The following SEC14L6 variants were observed in gnomAD, a reference collection of about 807,000 sequenced individuals.
The protein encoded by SEC14L6 is SEC14 like lipid binding 6.
In SEC14L6, 40 loss-of-function variants were observed where a neutral mutation model predicts 54.1. The ratio of observed to expected loss-of-function variants is 0.74; its 90% confidence interval spans 0.57 to 0.96. The LOEUF (loss-of-function observed/expected upper bound fraction) is 0.96, where lower values mean the gene tolerates loss of function less well. SEC14L6 is among the 40% of genes least tolerant of loss of function. The pLI, the probability that SEC14L6 is intolerant of heterozygous loss-of-function variation, is 0.00. For missense variants in SEC14L6, 471 were observed against 498.3 expected, an observed-to-expected ratio of 0.95 and a Z score of 0.52; for synonymous variants, 171 against 198.4, an observed-to-expected ratio of 0.86 and a Z score of 1.16.
Position 30,532,708 on chromosome 22 carries a change from G to C in SEC14L6, c.240C>G (p.Val80=). The C allele has an allele frequency of 6.4e-7, 1 of 1,569,422 alleles. No individual in the cohort carries two copies. The highest frequency in any genetic ancestry group is 8.6e-7 in the Non-Finnish European group (1 of 1,157,002). ...NILAWQPPEV[V]RLYNANGICG... is the part of the protein sequence containing the mutation. ...ATATGCCGTTAGCGTTGTACAGCCT[G>C]ACCACCTGGATGCATACACAGGAGA... The change falls in exon 5 of 12, where the codon GTC becomes GTG. Residue 80 remains valine, a synonymous_variant. Transcript: ENST00000402034.
At chr22:30,530,542 C>A (rs913932027) in intron 6 of SEC14L6, among the ~76,000 whole-genome samples, 2 of 152,132 alleles carry the variant, frequency 1.3e-5, no homozygotes, top group Non-Finnish European at 2.9e-5. Flanking sequence ...CTGAGACCAC[C>A]CCCACACACC....
chr22:30,546,496 A>G, intron 1 of SEC14L6, 133 bp downstream of exon 1: 1 of 720,546 alleles, frequency 1.4e-6, no homozygotes, highest in South Asian at 1.9e-5. Context: ...GCCTCTGGCT[A>G]CCAAGCCCCT....
intron 1 of SEC14L6, chr22:30,543,722 C>T: frequency 1.3e-6 from 2 of 1,600,002 alleles, no homozygotes; most frequent in Non-Finnish European, 1.7e-6. Flanking sequence ...TTGCTGGTGG[C>T]CCTACTGATG....
intron 1 of SEC14L6, among the ~76,000 whole-genome samples, chr22:30,544,881 A>G (rs1192434605): frequency 1.3e-5 from 2 of 152,170 alleles, no homozygotes. Context: ...AGGTGTTAGA[A>G]AACTTGATCT....
chr22:30,541,762 G>A (rs1478512743), intron 1 of SEC14L6, among the ~76,000 whole-genome samples: 2 of 152,200 alleles, frequency 1.3e-5, no homozygotes, highest in African/African-American at 2.4e-5. Flanking sequence ...GAGCCCAGGA[G>A]TTTGAGGCTG....
chr22:30,538,878 G>C lies in SEC14L6; in HGVS notation c.79C>G (p.Leu27Val). The C allele has an allele frequency of 6.4e-7, 1 of 1,555,722 alleles. No individual in the cohort carries two copies. Among genetic ancestry groups the C allele is most frequent in the East Asian group, 2.4e-5 (1 of 41,422 alleles). Reference protein sequence around the residue: ...AQFRENIQDVLSALPNPDDYF... With the variant: ...AQFRENIQDVVSALPNPDDYF... The stretch of plus-strand genomic sequence containing the variant: ...TCATCAGGATTGGGCAGCGCAGATA[G>C]CACATCTTGGATGTTCTCCCGGAAC... The change falls in exon 2 of 12, where the codon CTA becomes GTA. Residue 27 changes from leucine (L) to valine (V), a missense_variant. Leu to Val is a conservative substitution (Grantham distance 32, BLOSUM62 1). Coordinates refer to ENST00000402034, the MANE Select transcript of SEC14L6 (RefSeq NM_001193336.4).
chr22:30,532,765 G>A, intron 4 of SEC14L6, 32 bp downstream of exon 4: 1 of 1,607,298 alleles, frequency 6.2e-7, no homozygotes. Flanking sequence ...TGAGGGCCCA[G>A]GGATCAGGGT....
At chr22:30,539,234 G>T (rs1367212819) in intron 1 of SEC14L6, among the ~76,000 whole-genome samples, 2 of 151,974 alleles carry the variant, frequency 1.3e-5, no homozygotes, top group Non-Finnish European at 2.9e-5. Flanking sequence ...AAAATTAGCC[G>T]GGCGTGGTGG....
At chr22:30,540,413 G>T in intron 1 of SEC14L6, among the ~76,000 whole-genome samples, 1 of 125,088 alleles carries the variant, frequency 8.0e-6, no homozygotes, top group Admixed American at 9.7e-5. Flanking sequence ...TTGAACTCAT[G>T]GGCATTAAGA....
At position 30,524,948 on chromosome 22, in the gene SEC14L6, T is replaced by C. The variant is rs1237733530; in HGVS notation, c.*49A>G. Reference sequence around the variant, plus strand: ...CTGGCCAGGGAAGGCTGTGAACTCATTGTGGATTCAGAGATCAAAGAGGAG... The same window carrying C: ...CTGGCCAGGGAAGGCTGTGAACTCACTGTGGATTCAGAGATCAAAGAGGAG... On this transcript the variant is annotated 3_prime_UTR_variant, in exon 12 of 12. Coordinates refer to ENST00000402034, the MANE Select transcript of SEC14L6 (RefSeq NM_001193336.4). The C allele has an allele frequency of 3.1e-6, 3 of 954,072 alleles. No individual in the cohort carries two copies. The highest frequency in any genetic ancestry group is 1.4e-5 in the South Asian group (1 of 71,970). The allele number at this position is 954,072 out of a possible 1,614,324, so 59.1% of individuals were successfully genotyped here.
chr22:30,531,191 T>C (rs1036419946), intron 6 of SEC14L6, among the ~76,000 whole-genome samples: 1 of 152,088 alleles, frequency 6.6e-6, no homozygotes, highest in Non-Finnish European at 1.5e-5. Context: ...GCAGATCACC[T>C]GAGGTCAGGA....
At chr22:30,537,238 C>T (rs1171054847) in intron 2 of SEC14L6, among the ~76,000 whole-genome samples, 2 of 152,046 alleles carry the variant, frequency 1.3e-5, no homozygotes, top group Non-Finnish European at 2.9e-5. Flanking sequence ...CACTAGGTCC[C>T]AACAGACAAG....
Position 30,524,303 on chromosome 22 carries a change from T to C in SEC14L6, c.*694A>G, listed in dbSNP as rs1936695785. 6.6e-6 allele frequency: 1 copy of C among 152,248 alleles called. No individual in the cohort carries two copies. The highest frequency in any genetic ancestry group is 1.5e-5 in the Non-Finnish European group (1 of 68,052). 9.4% of individuals were successfully genotyped at this position (152,248 alleles called of 1,614,324 possible). On this transcript the variant is annotated 3_prime_UTR_variant, in exon 12 of 12. Coordinates refer to ENST00000402034, the MANE Select transcript of SEC14L6 (RefSeq NM_001193336.4). ...CCCTCCTCTTGGGAACTGTGAGTAATAAACTATCTTTTCAATGGTAATTAT... is the reference window on the plus strand; with the variant it reads ...CCCTCCTCTTGGGAACTGTGAGTAACAAACTATCTTTTCAATGGTAATTAT...
chr22:30,536,345 C>T (rs1402338203), intron 2 of SEC14L6, among the ~76,000 whole-genome samples: 1 of 152,168 alleles, frequency 6.6e-6, no homozygotes, highest in Non-Finnish European at 1.5e-5. Context: ...GGTTTTCTTA[C>T]TGCAGCTGAA....
intron 8 of SEC14L6, among the ~76,000 whole-genome samples, chr22:30,528,485 G>A (rs961255325): frequency 1.4e-5 from 2 of 147,016 alleles, no homozygotes; most frequent in Non-Finnish European, 3.0e-5. Context: ...GTTTAGTGGC[G>A]TGTTCTCAGC....
At chr22:30,535,222 G>A (rs570759923) in intron 2 of SEC14L6, among the ~76,000 whole-genome samples, 2 of 152,262 alleles carry the variant, frequency 1.3e-5, no homozygotes, top group African/African-American at 4.8e-5. Context: ...ATGGGAGTGA[G>A]GTCCTAGCGG....
At chr22:30,529,001 G>C in intron 8 of SEC14L6, 86 bp downstream of exon 8, 1 of 1,199,728 alleles carries the variant, frequency 8.3e-7, no homozygotes, top group Non-Finnish European at 1.2e-6. Context: ...CTACACCTTC[G>C]GATGCAGGAA....
chr22:30,545,058 G>A (rs930435102), intron 1 of SEC14L6, among the ~76,000 whole-genome samples: 3 of 151,924 alleles, frequency 2.0e-5, no homozygotes, highest in African/African-American at 4.8e-5. Flanking sequence ...GGCAGGAATC[G>A]AGACCTCCAA....
intron 1 of SEC14L6, among the ~76,000 whole-genome samples, chr22:30,544,629 A>G (rs1174384737): frequency 6.6e-6 from 1 of 152,084 alleles, no homozygotes; most frequent in East Asian, 1.9e-4. Flanking sequence ...GGCCTCCCCC[A>G]TCCCTAGGCT....
Sources: gnomAD v4.1 joint callset for allele counts (sites outside exome capture counted in the v4.1 genomes callset) on GRCh38, gnomAD v4.1.1 for gene constraint, MANE v1.5 for transcripts, NCBI Gene and HGNC (gene_info 2026-07-23, HGNC 2026-07-21) for gene names.